Variants in NOSTRIN observed in about 807,000 individuals in gnomAD.
NOSTRIN encodes the protein BM247 homolog.
NOSTRIN carries 63 observed loss-of-function variants against 59.0 expected under a neutral mutation model. That is an observed-to-expected ratio of 1.07 (90% CI 0.87 to 1.32). The LOEUF is 1.32. NOSTRIN is among the 40% of genes most tolerant of loss of function. NOSTRIN has a pLI of 0.00. For missense variants in NOSTRIN, 512 were observed against 473.1 expected, an observed-to-expected ratio of 1.08 and a Z score of -0.76; for synonymous variants, 200 against 165.4, an observed-to-expected ratio of 1.21 and a Z score of -1.61.
upstream of NOSTRIN, among the ~76,000 whole-genome samples, chr2:168,794,269 T>C (rs1308068380): frequency 6.6e-6 from 1 of 152,114 alleles, no homozygotes; most frequent in African/African-American, 2.4e-5. Flanking sequence ...AGAACTCGTG[T>C]TTTTCAGTAG....
At chr2:168,840,546 A>C (rs866658625) in intron 7 of NOSTRIN, among the ~76,000 whole-genome samples, 2,683 of 150,312 alleles carry the variant, frequency 0.018, 95 homozygotes, top group African/African-American at 0.063. Flanking sequence ...AAAAAAAAAA[A>C]AAAAACAAAA....
At chr2:168,862,083 C>T in intron 15 of NOSTRIN, 34 bp downstream of exon 15, 1 of 1,570,466 alleles carries the variant, frequency 6.4e-7, no homozygotes, top group Non-Finnish European at 8.8e-7. Flanking sequence ...TAATTGCCTT[C>T]CCATATTGAG....
intron 5 of NOSTRIN, 23 bp from the exon 6 acceptor site, chr2:168,831,449 T>G (rs1190440413): frequency 1.2e-6 from 1 of 858,364 alleles, no homozygotes; most frequent in East Asian, 2.4e-5. Flanking sequence ...CAAAGCTTTG[T>G]TTCCTTTTTC....
chr2:168,809,122 A>G (rs1258524532), intron 1 of NOSTRIN, among the ~76,000 whole-genome samples: 2 of 152,224 alleles, frequency 1.3e-5, no homozygotes, highest in Non-Finnish European at 2.9e-5. Context: ...TTTAGAAAAC[A>G]ACATTGTATT....
chr2:168,853,436 C>T (rs1369812902), intron 10 of NOSTRIN, among the ~76,000 whole-genome samples: 3 of 152,254 alleles, frequency 2.0e-5, no homozygotes, highest in East Asian at 1.9e-4. Flanking sequence ...TAATTTTATA[C>T]GCCTCCTCCA....
intron 7 of NOSTRIN, among the ~76,000 whole-genome samples, chr2:168,840,525 A>G (rs1483198019): frequency 1.1e-4 from 8 of 74,294 alleles, no homozygotes; most frequent in African/African-American, 3.5e-4. Context: ...GCGAGACTCC[A>G]TCTCAAAAAA....
chr2:168,826,838 A>G (rs1687089206), intron 3 of NOSTRIN, among the ~76,000 whole-genome samples: 1 of 152,256 alleles, frequency 6.6e-6, no homozygotes, highest in Non-Finnish European at 1.5e-5. Flanking sequence ...CAAAACATAG[A>G]CATTTTCATC....
intron 2 of NOSTRIN, among the ~76,000 whole-genome samples, chr2:168,820,718 C>CA (rs11452657): frequency 0.56 from 74,936 of 132,804 alleles, 20,964 homozygotes; most frequent in South Asian, 0.69. Context: ...AAAAGCTGGC[C>CA]AAAAAAAAAA....
chr2:168,865,083 T>C lies in NOSTRIN; in HGVS notation c.*113T>C. 4.4e-6 allele frequency: 5 copies of C among 1,142,104 alleles called. No homozygotes were observed. Among genetic ancestry groups the C allele is most frequent in the South Asian group, 1.5e-5 (1 of 66,228 alleles). The allele number at this position is 1,142,104 out of a possible 1,614,324, so 70.7% of individuals were successfully genotyped here. On this transcript the variant is annotated 3_prime_UTR_variant, in exon 16 of 16. Coordinates refer to ENST00000317647, the MANE Select transcript of NOSTRIN (RefSeq NM_001039724.4). ...TGTTTTTCTTTTGAAATGGATGGAG[T>C]TCTACCTGCATGTCACAGCACTTTG... is the stretch of plus-strand genomic sequence containing the variant.
intron 7 of NOSTRIN, 142 bp downstream of exon 7, chr2:168,834,467 G>A: frequency 1.9e-6 from 1 of 540,422 alleles, no homozygotes. Context: ...AGCATAAAAG[G>A]GGATTCCAAA....
At chr2:168,864,249 T>C (rs1689699904) in intron 15 of NOSTRIN, among the ~76,000 whole-genome samples, 1 of 150,524 alleles carries the variant, frequency 6.6e-6, no homozygotes, top group Non-Finnish European at 1.5e-5. Flanking sequence ...CGTGCTGGGA[T>C]TACAGCTGTC....
intron 2 of NOSTRIN, among the ~76,000 whole-genome samples, chr2:168,814,925 TAAATG>T (rs1686322517): frequency 6.6e-6 from 1 of 152,226 alleles, no homozygotes; most frequent in South Asian, 2.1e-4. Context: ...TTTTTTTAAA[TAAATG>T]AAAGATAGTT....
chr2:168,864,449 C>CTAAT lies in NOSTRIN; in HGVS notation c.1385-383_1385-380dup, dbSNP rs561025331. On this transcript the variant is annotated intron_variant, in intron 15 of 15. Transcript: ENST00000317647. ...TACAGGCGTGCGCCACCACACCCAGCTAATTTTTGTATTTTTAGCAGAGAA... is the reference window on the plus strand; with the variant it reads ...TACAGGCGTGCGCCACCACACCCAGCTAATTAATTTTTGTATTTTTAGCAGAGAA... Among the ~76,000 whole-genome samples, 119 of 152,052 alleles carry CTAAT rather than the reference C, an allele frequency of 7.8e-4. 1 individual carries two copies. The highest frequency in any genetic ancestry group is 2.8e-3 in the African/African-American group (115 of 41,466).
intron 15 of NOSTRIN, among the ~76,000 whole-genome samples, chr2:168,862,981 C>CCAGT (rs1689562628): frequency 6.6e-6 from 1 of 151,278 alleles, no homozygotes; most frequent in South Asian, 2.1e-4. Flanking sequence ...GCAGCATTTG[C>CCAGT]CAGTCATATC....
intron 11 of NOSTRIN, chr2:168,855,773 G>T (rs2105774166): frequency 2.4e-6 from 1 of 419,162 alleles, no homozygotes; most frequent in Non-Finnish European, 4.5e-6. Flanking sequence ...AATGTGTTTG[G>T]TTTAAAACAT....
At chr2:168,838,607 T>TC (rs1687876814) in intron 7 of NOSTRIN, among the ~76,000 whole-genome samples, 1 of 151,994 alleles carries the variant, frequency 6.6e-6, no homozygotes, top group Admixed American at 6.6e-5. Context: ...CAGGCCGCAA[T>TC]CATCTTTTGC....
chr2:168,825,846 C>T (rs543518177), intron 3 of NOSTRIN, among the ~76,000 whole-genome samples: 1 of 152,300 alleles, frequency 6.6e-6, no homozygotes, highest in South Asian at 2.1e-4. Context: ...GCTTCTGGAG[C>T]TCAAATTTCC....
intron 2 of NOSTRIN, among the ~76,000 whole-genome samples, chr2:168,814,693 A>G (rs490278): frequency 0.58 from 88,132 of 152,020 alleles, 25,594 homozygotes; most frequent in South Asian, 0.7. Flanking sequence ...TTCAAGATAC[A>G]GTGAAGGAGG....
chr2:168,826,994 C>T (rs142024594), intron 3 of NOSTRIN, among the ~76,000 whole-genome samples: 22 of 152,088 alleles, frequency 1.4e-4, no homozygotes, highest in Admixed American at 3.3e-4. Flanking sequence ...GCTCTTGTGC[C>T]TAAGCTTGTA....
Sources: allele counts gnomAD v4.1 joint callset (sites outside exome capture counted in the v4.1 genomes callset), GRCh38; gene constraint gnomAD v4.1.1; transcripts MANE v1.5; gene names NCBI Gene and HGNC (gene_info 2026-07-23, HGNC 2026-07-21).